Variants in AFG2A observed in about 807,000 individuals in gnomAD.
AFG2A encodes the protein AAA ATPase AFG2A.
At chr4:123,026,019 A>T in the AFG2A span, among the ~76,000 whole-genome samples, 1 of 152,262 alleles carries the variant, frequency 6.6e-6, no homozygotes. Context: ...TGAGTTAAGG[A>T]ATCCTTTCAC....
chr4:122,934,605 T>C, the AFG2A span: 3 of 1,613,978 alleles, frequency 1.9e-6, no homozygotes, highest in Non-Finnish European at 1.7e-6. Context: ...CAGAGATTGA[T>C]AAAAATTCAA....
chr4:122,944,344 CT>C, the AFG2A span, among the ~76,000 whole-genome samples: 1 of 151,892 alleles, frequency 6.6e-6, no homozygotes, highest in African/African-American at 2.4e-5. Context: ...TCTTTTTATT[CT>C]TTTTTCTCTA....
chr4:122,953,021 C>T, the AFG2A span, among the ~76,000 whole-genome samples: 1 of 152,286 alleles, frequency 6.6e-6, no homozygotes, highest in South Asian at 2.1e-4. Context: ...GTTGTATGGG[C>T]TGTGCACTGG....
At chr4:123,166,253 G>A in the AFG2A span, among the ~76,000 whole-genome samples, 1 of 152,162 alleles carries the variant, frequency 6.6e-6, no homozygotes, top group South Asian at 2.1e-4. Flanking sequence ...ATCAGCTTCA[G>A]ACACAGCCAG....
chr4:123,037,047 G>A, the AFG2A span, among the ~76,000 whole-genome samples: 1 of 151,914 alleles, frequency 6.6e-6, no homozygotes. Flanking sequence ...TTAACACTTA[G>A]GTTAACGTGC....
At chr4:123,129,873 T>C in the AFG2A span, among the ~76,000 whole-genome samples, 1 of 151,868 alleles carries the variant, frequency 6.6e-6, no homozygotes, top group Admixed American at 6.6e-5. Context: ...TTGTTCTAAA[T>C]TATATATATA....
the AFG2A span, among the ~76,000 whole-genome samples, chr4:123,019,123 A>T: frequency 6.6e-6 from 1 of 152,148 alleles, no homozygotes. Flanking sequence ...GGCAAAGTAC[A>T]ATTAATTTAA....
chr4:123,119,368 A>C, the AFG2A span, among the ~76,000 whole-genome samples: 2 of 152,182 alleles, frequency 1.3e-5, no homozygotes. Flanking sequence ...CAAAACAAGA[A>C]AGCAAAGGTT....
the AFG2A span, among the ~76,000 whole-genome samples, chr4:123,014,328 C>T: frequency 6.6e-6 from 1 of 151,972 alleles, no homozygotes. Flanking sequence ...ATTTTGTAGG[C>T]GAGTTTTATG....
chr4:122,986,343 T>C, the AFG2A span, among the ~76,000 whole-genome samples: 13 of 152,334 alleles, frequency 8.5e-5, no homozygotes, highest in South Asian at 2.7e-3. Flanking sequence ...CTTTCCGTCT[T>C]GATGACCTGT....
chr4:123,187,666 C>T, the AFG2A span, among the ~76,000 whole-genome samples: 1 of 151,888 alleles, frequency 6.6e-6, no homozygotes, highest in Non-Finnish European at 1.5e-5. Flanking sequence ...CCTTTATACT[C>T]TAGGTTTTTT....
the AFG2A span, among the ~76,000 whole-genome samples, chr4:123,183,041 G>A: frequency 1.3e-5 from 2 of 152,138 alleles, no homozygotes; most frequent in African/African-American, 2.4e-5. Flanking sequence ...GGATTTCCTG[G>A]CCATGAACCA....
chr4:122,982,320 C>T, the AFG2A span, among the ~76,000 whole-genome samples: 5 of 152,196 alleles, frequency 3.3e-5, no homozygotes, highest in Admixed American at 3.3e-4. Context: ...ATATGTTGAA[C>T]CAGCAGCCTT....
the AFG2A span, among the ~76,000 whole-genome samples, chr4:123,163,643 C>T: frequency 6.6e-6 from 1 of 152,120 alleles, no homozygotes; most frequent in Non-Finnish European, 1.5e-5. Context: ...TACAGACTTA[C>T]GTGGATTGGA....
At chr4:123,164,620 T>A in the AFG2A span, among the ~76,000 whole-genome samples, 1 of 152,208 alleles carries the variant, frequency 6.6e-6, no homozygotes, top group Non-Finnish European at 1.5e-5. Flanking sequence ...AAAAATGTAA[T>A]TGTATAATTA....
At chr4:123,156,954 A>G in the AFG2A span, among the ~76,000 whole-genome samples, 1 of 151,976 alleles carries the variant, frequency 6.6e-6, no homozygotes, top group Admixed American at 6.6e-5. Context: ...TCCTCAAAAT[A>G]AAAATTAACC....
the AFG2A span, among the ~76,000 whole-genome samples, chr4:123,162,237 G>A: frequency 6.6e-6 from 1 of 152,178 alleles, no homozygotes; most frequent in African/African-American, 2.4e-5. Flanking sequence ...TTATGATAAA[G>A]GAGAATTTTA....
the AFG2A span, among the ~76,000 whole-genome samples, chr4:122,946,426 G>A: frequency 0.16 from 24,846 of 152,150 alleles, 2,466 homozygotes; most frequent in East Asian, 0.45. Context: ...GTCTGTTTTT[G>A]TACTTCTAAA....
chr4:123,208,649 T>C, the AFG2A span, among the ~76,000 whole-genome samples: 1 of 152,192 alleles, frequency 6.6e-6, no homozygotes, highest in Non-Finnish European at 1.5e-5. Context: ...ACCATCAATG[T>C]CGTTATGGAT....
Sources: allele counts gnomAD v4.1 joint callset (sites outside exome capture counted in the v4.1 genomes callset), GRCh38; gene constraint gnomAD v4.1.1; transcripts MANE v1.5; gene names NCBI Gene and HGNC (gene_info 2026-07-23, HGNC 2026-07-21).